The following COL11A2 variants were observed in gnomAD, a reference collection of about 807,000 sequenced individuals.
COL11A2 encodes the protein collagen type XI alpha 2 chain, also known as collagen alpha-2(XI) chain.
COL11A2 carries 116 observed loss-of-function variants against 273.4 expected under a neutral mutation model. That is an observed-to-expected ratio of 0.42 (90% confidence interval 0.36 to 0.49). The LOEUF (loss-of-function observed/expected upper bound fraction) is 0.49, where lower values mean the gene tolerates loss of function less well. Ranked by LOEUF, COL11A2 falls within the 20% of genes least tolerant of loss-of-function variation. The pLI, the probability that COL11A2 is intolerant of heterozygous loss-of-function variation, is 0.00. For missense variants in COL11A2, 1,866 were observed against 2,309.0 expected, an observed-to-expected ratio of 0.81 and a Z score of 3.93; for synonymous variants, 782 against 864.2, an observed-to-expected ratio of 0.90 and a Z score of 1.67.
At chr6:33,180,409 C>A in intron 11 of COL11A2, 77 bp from the exon 12 acceptor site, 1 of 1,278,004 alleles carries the variant, frequency 7.8e-7, no homozygotes, top group East Asian at 2.3e-5. Flanking sequence ...TTTGAAATAT[C>A]CTCTTCAACA....
At chr6:33,191,605 C>T (rs958142572) in intron 1 of COL11A2, among the ~76,000 whole-genome samples, 2 of 152,266 alleles carry the variant, frequency 1.3e-5, no homozygotes, top group Non-Finnish European at 2.9e-5. Context: ...CAGCCAGCCC[C>T]AGTGCTCCCC....
chr6:33,175,681 C>T lies in COL11A2; in HGVS notation c.2269G>A (p.Gly757Ser), dbSNP rs1409401466. Residue 757 changes from glycine to serine, a missense_variant and splice_region_variant, in exon 30 of 66, where the codon GGC (glycine) becomes AGC (serine). Gly to Ser is a moderately conservative substitution (Grantham distance 56). Transcript: ENST00000341947. ...CTGGAACCAGGGACTCCAACTTCGC[C>T]CTGTGTGAGAGGGAAGGACAGGTGA... is the stretch of plus-strand genomic sequence containing the variant. ...KGDIGVKGDRGEVGVPGSRGE... is the reference protein window; with the variant it reads ...KGDIGVKGDRSEVGVPGSRGE... The T allele has an allele frequency of 4.3e-6, 7 of 1,612,874 alleles. No individual in the cohort carries two copies. Among genetic ancestry groups the T allele is most frequent in the Non-Finnish European group, 5.9e-6 (7 of 1,179,886 alleles).
chr6:33,186,504 T>A (rs1325009805), intron 5 of COL11A2, 123 bp downstream of exon 5: 1 of 1,563,660 alleles, frequency 6.4e-7, no homozygotes, highest in Non-Finnish European at 8.7e-7. Context: ...GAATGAGGAC[T>A]AGGAGGAGGG....
At position 33,186,765 on chromosome 6, in the gene COL11A2, T is replaced by C. The variant is rs993389946; in HGVS notation, c.660A>G (p.Ser220=). 6.2e-7 allele frequency: 1 copy of C among 1,614,010 alleles called. No homozygotes were observed. The highest frequency in any genetic ancestry group is 8.5e-7 in the Non-Finnish European group (1 of 1,180,020). ...CGCATTCCAGCTCCTTCTGTTCACA[T>C]GATTCATAGGCTGCCTGGACCCCTG... The part of the protein sequence containing the change: ...IVPGVQAAYE[S]CEQKELECEG... Residue 220 remains serine (S), a synonymous_variant, in exon 5 of 66, where the codon TCA becomes TCG. Coordinates refer to ENST00000341947, the MANE Select transcript of COL11A2 (RefSeq NM_080680.3).
In COL11A2 at chr6:33,178,133, G is replaced by A; in HGVS notation, c.1871C>T (p.Pro624Leu). The A allele has an allele frequency of 1.2e-6, 2 of 1,608,772 alleles. No homozygotes were observed. The highest frequency in any genetic ancestry group is 1.7e-6 in the Non-Finnish European group (2 of 1,177,354). The change falls in exon 21 of 66, where the codon CCT becomes CTT. Residue 624 changes from proline (P) to leucine (L), a missense_variant and splice_region_variant. By Grantham distance (98) the Pro-to-Leu change is moderately conservative. Transcript: ENST00000341947. This position sits in a 1 kb window ranked among gnomAD's most constrained non-coding sequence, Gnocchi z 4.6. ...GTCAGAAGTCAGGGAGTCACTTACA[G>A]GGGGTCCAGGAATACCAGGTGGGCC... is the stretch of plus-strand genomic sequence containing the variant. The part of the protein sequence containing the change: ...PKGPPGIPGP[P>L]GVRGMDGPQG...
intron 30 of COL11A2, among the ~76,000 whole-genome samples, chr6:33,175,172 C>T (rs752195375): frequency 6.6e-6 from 1 of 152,222 alleles, no homozygotes; most frequent in Non-Finnish European, 1.5e-5. Context: ...CACATGCCTA[C>T]CTCATAGGAT....
chr6:33,181,183 C>A lies in COL11A2; in HGVS notation c.1120-13G>T, dbSNP rs1562367737. The A allele has an allele frequency of 6.2e-7, 1 of 1,614,160 alleles. No homozygotes were observed. The highest frequency in any genetic ancestry group is 1.3e-5 in the African/African-American group (1 of 75,038). On this transcript the variant is annotated splice_polypyrimidine_tract_variant and intron_variant, in intron 8 of 65. Coordinates refer to ENST00000341947, the MANE Select transcript of COL11A2 (RefSeq NM_080680.3). The stretch of plus-strand genomic sequence containing the variant: ...GTCCATGGGCAGCCTGAAGGAGACA[C>A]ACATGTAGCCCCCAGTGGGGCCCGT...
In COL11A2 at chr6:33,178,249, T is replaced by A. The variant is rs1771195565; in HGVS notation, c.1818+59A>T. 2 of 1,612,586 alleles carry A rather than the reference T, an allele frequency of 1.2e-6. No homozygotes were observed. The highest frequency in any genetic ancestry group is 1.7e-6 in the Non-Finnish European group (2 of 1,179,864). ...TAAAACTGTGTCCCTTTAGTGCTCA[T>A]GTCCCCCTCCTGGCTTCCCCAGAGC... On this transcript the variant is annotated intron_variant, in intron 20 of 65. Transcript: ENST00000341947. The surrounding 1 kb of genome is among the most constrained non-coding windows in gnomAD (Gnocchi z 4.6).
In COL11A2 at chr6:33,165,834, TG is replaced by T. The variant is rs541400388; in HGVS notation, c.4483-19del. The T allele has an allele frequency of 1.6e-4, 253 of 1,613,300 alleles. 3 individuals carry two copies. In the African/African-American group the frequency reaches 2.8e-3, roughly 18 times the overall value. The stretch of plus-strand genomic sequence containing the variant: ...GGGGGACCCTGGGTGCAGGGACAGA[TG>T]GAGAGGGCAAGAGACAAGGTTGGTG... On this transcript the variant is annotated intron_variant, in intron 62 of 65. Transcript: ENST00000341947. This position sits in a 1 kb window ranked among gnomAD's most constrained non-coding sequence, Gnocchi z 7.7.
At position 33,178,110 on chromosome 6, in the gene COL11A2, C is replaced by T. The variant is rs1583341843; in HGVS notation, c.1872+22G>A. On this transcript the variant is annotated intron_variant, in intron 21 of 65. Transcript: ENST00000341947. This position sits in a 1 kb window ranked among gnomAD's most constrained non-coding sequence, Gnocchi z 4.6. Reference sequence around the variant, plus strand: ...AGAGGTCAAGGGGTCACCTCAGGGTCAGAAGTCAGGGAGTCACTTACAGGG... The same window carrying T: ...AGAGGTCAAGGGGTCACCTCAGGGTTAGAAGTCAGGGAGTCACTTACAGGG... 1.9e-6 allele frequency: 3 copies of T among 1,604,204 alleles called. 1 individual carries two copies. In the East Asian group the frequency reaches 6.7e-5, roughly 36 times the overall value.
In COL11A2 at chr6:33,166,631, T is replaced by A; in HGVS notation, c.4339-65A>T. 3 of 1,611,176 alleles carry A rather than the reference T, an allele frequency of 1.9e-6. No homozygotes were observed. The highest frequency in any genetic ancestry group is 1.7e-6 in the Non-Finnish European group (2 of 1,177,876). On this transcript the variant is annotated intron_variant, in intron 59 of 65. Coordinates refer to ENST00000341947, the MANE Select transcript of COL11A2 (RefSeq NM_080680.3). The surrounding 1 kb of genome is among the most constrained non-coding windows in gnomAD (Gnocchi z 4.8). The stretch of plus-strand genomic sequence containing the variant: ...CACACCCTCCTGAGCACCTGCTCGC[T>A]TACCCACAGCTGAGTCCCAACTCCA...
intron 5 of COL11A2, 127 bp downstream of exon 5, chr6:33,186,500 G>A: frequency 6.4e-7 from 1 of 1,555,834 alleles, no homozygotes; most frequent in Non-Finnish European, 8.7e-7. Context: ...TGATGAATGA[G>A]GACTAGGAGG....
chr6:33,179,745 C>T lies in COL11A2; in HGVS notation c.1420G>A (p.Ala474Thr). The stretch of plus-strand genomic sequence containing the variant: ...CTCGCCTGCTGCAGGATCGCCTGGG[C>T]CTGAGCCTCCTGGGCCGCCACCACA... Reference protein sequence around the residue: ...GPVVAAQEAQAQAILQQARLA... With the variant: ...GPVVAAQEAQTQAILQQARLA... The change falls in exon 13 of 66, where the codon GCC becomes ACC. Residue 474 changes from alanine to threonine, a missense_variant. Ala to Thr is a moderately conservative substitution (Grantham distance 58). Coordinates refer to ENST00000341947, the MANE Select transcript of COL11A2 (RefSeq NM_080680.3). This position sits in a 1 kb window ranked among gnomAD's most constrained non-coding sequence, Gnocchi z 6.4. 6.2e-7 allele frequency: 1 copy of T among 1,612,236 alleles called. No homozygotes were observed. The highest frequency in any genetic ancestry group is 1.3e-5 in the African/African-American group (1 of 75,036).
Position 33,177,626 on chromosome 6 carries a change from T to C in COL11A2, c.1917+36A>G. 1 of 1,611,918 alleles carries C rather than the reference T, an allele frequency of 6.2e-7. No homozygotes were observed. The highest frequency in any genetic ancestry group is 8.5e-7 in the Non-Finnish European group (1 of 1,179,240). ...GGATGCTGGCAGGGACCTCGGGGGA[T>C]AAGAATGGGGGTGGGATCTCCTATC... On this transcript the variant is annotated intron_variant, in intron 22 of 65. Transcript: ENST00000341947. The surrounding 1 kb of genome is among the most constrained non-coding windows in gnomAD (Gnocchi z 5.9).
chr6:33,166,872 T>G lies in COL11A2; in HGVS notation c.4231-45A>C. The G allele has an allele frequency of 6.3e-7, 1 of 1,596,944 alleles. No homozygotes were observed. Among genetic ancestry groups the G allele is most frequent in the East Asian group, 2.2e-5 (1 of 44,458 alleles). On this transcript the variant is annotated intron_variant, in intron 58 of 65. Transcript: ENST00000341947. The surrounding 1 kb of genome is among the most constrained non-coding windows in gnomAD (Gnocchi z 4.8). ...GTCAAGAGAATGCAAAGAGGAGTCA[T>G]GTGGATGGGGGAGAAGGGCCAAGAG...
Position 33,169,052 on chromosome 6 carries a change from G to A in COL11A2, c.3799-44C>T. The A allele has an allele frequency of 1.3e-6, 2 of 1,572,428 alleles. No individual in the cohort carries two copies. Among genetic ancestry groups the A allele is most frequent in the Non-Finnish European group, 1.7e-6 (2 of 1,156,860 alleles). ...AAGAGTCAGGGTCACAGCTCCCTAA[G>A]CCCACCCAGCACAGACGCCCACAGG... On this transcript the variant is annotated intron_variant, in intron 51 of 65. Transcript: ENST00000341947. The surrounding 1 kb of genome is among the most constrained non-coding windows in gnomAD (Gnocchi z 5.5).
rs201054429 is a variant in COL11A2 at position 33,188,389 on chromosome 6, G to A, written c.579C>T (p.Ala193=). 41 of 1,612,914 alleles carry A rather than the reference G, an allele frequency of 2.5e-5. No individual in the cohort carries two copies. Among genetic ancestry groups the A allele is most frequent in the Non-Finnish European group, 2.1e-5 (25 of 1,180,044 alleles). The part of the protein sequence containing the change: ...LDTHGVIIFG[A]RILDEEVFEG... ...CAAAGACTTCTTCATCCAGAATACG[G>A]GCACCAAAGATGATCACTCCATGGG... is the stretch of plus-strand genomic sequence containing the variant. Residue 193 remains alanine (A), a synonymous_variant, in exon 4 of 66, where the codon GCC becomes GCT. Coordinates refer to ENST00000341947, the MANE Select transcript of COL11A2 (RefSeq NM_080680.3).
At chr6:33,187,149 G>C (rs1226483214) in intron 4 of COL11A2, among the ~76,000 whole-genome samples, 2 of 152,116 alleles carry the variant, frequency 1.3e-5, no homozygotes, top group African/African-American at 4.8e-5. Context: ...AGAATTCTTT[G>C]CCTCCCCTCT....
chr6:33,164,827 G>C lies in COL11A2; in HGVS notation c.4863+25C>G. The C allele has an allele frequency of 6.5e-7, 1 of 1,541,132 alleles. No individual in the cohort carries two copies. The highest frequency in any genetic ancestry group is 1.4e-5 in the African/African-American group (1 of 72,910). On this transcript the variant is annotated intron_variant, in intron 64 of 65. Coordinates refer to ENST00000341947, the MANE Select transcript of COL11A2 (RefSeq NM_080680.3). This position sits in a 1 kb window ranked among gnomAD's most constrained non-coding sequence, Gnocchi z 4.7. ...AGGGGGTGCACTATGGGGCAGGGGAGGGGCAGCGAGGGGCCAGCTCTCACC... is the reference window on the plus strand; with the variant it reads ...AGGGGGTGCACTATGGGGCAGGGGACGGGCAGCGAGGGGCCAGCTCTCACC...
Sources: allele counts gnomAD v4.1 joint callset (sites outside exome capture counted in the v4.1 genomes callset), GRCh38; gene constraint gnomAD v4.1.1; non-coding constraint Gnocchi (gnomAD v3.1); transcripts MANE v1.5; gene names NCBI Gene and HGNC (gene_info 2026-07-23, HGNC 2026-07-21).